Variants in SYT1 observed in about 807,000 individuals in gnomAD.
SYT1 encodes the protein synaptotagmin-1.
Under a neutral mutation model 44.8 loss-of-function variants are expected in SYT1, and 8 were observed. The observed-to-expected ratio is 0.18, with a 90% CI of 0.10 to 0.32. The LOEUF (loss-of-function observed/expected upper bound fraction) is 0.32. Ranked by LOEUF, SYT1 falls within the 10% of genes least tolerant of loss-of-function variation. The probability of loss-of-function intolerance (pLI) is 1.00; values close to 1 mark genes in which losing one functional copy is unlikely to be tolerated. For missense variants in SYT1, 286 were observed against 509.3 expected (o/e 0.56, Z 4.22); for synonymous variants, 154 against 188.8 (o/e 0.82, Z 1.51).
chr12:79,362,625 T>A (rs908339830), intron 9 of SYT1, among the ~76,000 whole-genome samples: 1 of 152,082 alleles, frequency 6.6e-6, no homozygotes, highest in African/African-American at 2.4e-5. Flanking sequence ...GAAGGGGCCG[T>A]GTGTGAGGAC....
At chr12:79,403,589 T>G (rs972251864) in intron 9 of SYT1, among the ~76,000 whole-genome samples, 5 of 152,126 alleles carry the variant, frequency 3.3e-5, no homozygotes, top group African/African-American at 1.2e-4. Context: ...AACATATGAA[T>G]TTAAGGGGAC....
chr12:79,081,763 T>A (rs1253189495), intron 3 of SYT1, among the ~76,000 whole-genome samples: 1 of 152,150 alleles, frequency 6.6e-6, no homozygotes, highest in Non-Finnish European at 1.5e-5. Context: ...TTCCACAGTT[T>A]CTTCTTCCTA....
At chr12:79,386,328 T>C (rs1884432980) in intron 9 of SYT1, among the ~76,000 whole-genome samples, 1 of 151,978 alleles carries the variant, frequency 6.6e-6, no homozygotes, top group Admixed American at 6.5e-5. Context: ...TTTTCCTTCC[T>C]TAGTATTCAT....
chr12:79,163,077 C>G (rs759210350), intron 3 of SYT1, among the ~76,000 whole-genome samples: 2 of 152,060 alleles, frequency 1.3e-5, no homozygotes, highest in African/African-American at 4.8e-5. Context: ...CAGCACCCTG[C>G]AAATAACCAC....
chr12:78,985,844 A>G (rs750169750), intron 2 of SYT1, among the ~76,000 whole-genome samples: 1 of 152,032 alleles, frequency 6.6e-6, no homozygotes, highest in African/African-American at 2.4e-5. Flanking sequence ...AGCAATTTCA[A>G]ACGGTATTCA....
chr12:78,916,114 GA>G (rs998473060), intron 1 of SYT1, among the ~76,000 whole-genome samples: 1 of 152,036 alleles, frequency 6.6e-6, no homozygotes, highest in Non-Finnish European at 1.5e-5. Flanking sequence ...AACCCCAACG[GA>G]AGACTCCGGT....
chr12:79,062,571 A>G (rs1735182473), intron 3 of SYT1, among the ~76,000 whole-genome samples: 1 of 152,108 alleles, frequency 6.6e-6, no homozygotes, highest in Admixed American at 6.6e-5. Flanking sequence ...ATTCTTTCAG[A>G]CATTCCAATG....
chr12:79,448,766 T>TTGAG, intron 10 of SYT1, 152 bp from the exon 11 acceptor site: 1 of 669,192 alleles, frequency 1.5e-6, no homozygotes, highest in Non-Finnish European at 2.6e-6. Flanking sequence ...AAATTAACGT[T>TTGAG]TGAGTATTAA....
chr12:78,878,998 G>T (rs1462914), intron 1 of SYT1, among the ~76,000 whole-genome samples: 77,655 of 151,412 alleles, frequency 0.51, 20,214 homozygotes, highest in Non-Finnish European at 0.56. Flanking sequence ...CCCTGTAAAA[G>T]ATACATAAAA....
chr12:78,926,275 T>C (rs993686734), intron 1 of SYT1, among the ~76,000 whole-genome samples: 6 of 152,116 alleles, frequency 3.9e-5, no homozygotes, highest in Non-Finnish European at 7.4e-5. Context: ...TTTATTTTAA[T>C]GTATTTCTTT....
intron 9 of SYT1, chr12:79,419,216 G>C (rs1201177865): frequency 5.8e-6 from 3 of 513,138 alleles, no homozygotes; most frequent in Non-Finnish European, 1.2e-5. Context: ...CCATCACACA[G>C]TTGTTGAGAA....
chr12:79,002,202 A>G (rs2137534245), intron 2 of SYT1, among the ~76,000 whole-genome samples: 1 of 152,276 alleles, frequency 6.6e-6, no homozygotes, highest in African/African-American at 2.4e-5. Flanking sequence ...CTGTTTAAAA[A>G]AATTTGCAGA....
chr12:79,330,152 AC>A (rs1307267808), intron 8 of SYT1, among the ~76,000 whole-genome samples: 1 of 152,150 alleles, frequency 6.6e-6, no homozygotes, highest in Admixed American at 6.5e-5. Flanking sequence ...CCTCTGAGAA[AC>A]CCTTTCACCT....
At chr12:78,871,823 A>T (rs995133789) in intron 1 of SYT1, among the ~76,000 whole-genome samples, 2 of 151,932 alleles carry the variant, frequency 1.3e-5, no homozygotes, top group African/African-American at 2.4e-5. Context: ...GACTGAATAA[A>T]GTGAACTATT....
At chr12:79,065,954 A>G (rs951354088) in intron 3 of SYT1, among the ~76,000 whole-genome samples, 3 of 152,172 alleles carry the variant, frequency 2.0e-5, no homozygotes, top group African/African-American at 7.2e-5. Context: ...AAAATTACAA[A>G]AGAACAAAGT....
chr12:79,431,513 A>ATTTTT, intron 9 of SYT1, among the ~76,000 whole-genome samples: 1 of 142,720 alleles, frequency 7.0e-6, no homozygotes, highest in South Asian at 2.2e-4. Flanking sequence ...ATTTTATTTT[A>ATTTTT]TTATTTATTT....
At chr12:79,017,238 T>C (rs997350533) in intron 2 of SYT1, among the ~76,000 whole-genome samples, 5 of 152,176 alleles carry the variant, frequency 3.3e-5, no homozygotes, top group African/African-American at 4.8e-5. Context: ...ATAATTGTAG[T>C]ACATTCATTT....
intron 3 of SYT1, among the ~76,000 whole-genome samples, chr12:79,187,998 A>G (rs1872899521): frequency 6.6e-6 from 1 of 152,136 alleles, no homozygotes; most frequent in African/African-American, 2.4e-5. Flanking sequence ...AAGACTTGGG[A>G]AAGAAACACG....
chr12:79,078,710 A>G (rs530898017), intron 3 of SYT1, among the ~76,000 whole-genome samples: 1 of 152,104 alleles, frequency 6.6e-6, no homozygotes, highest in African/African-American at 2.4e-5. Context: ...CCACCCCCAA[A>G]AGGCCCCAGT....
Sources: allele counts gnomAD v4.1 joint callset (sites outside exome capture counted in the v4.1 genomes callset), GRCh38; gene constraint gnomAD v4.1.1; transcripts MANE v1.5; gene names NCBI Gene and HGNC (gene_info 2026-07-23, HGNC 2026-07-21).